The following DAB1 variants were observed in gnomAD, a reference collection of about 807,000 sequenced individuals.
DAB1 encodes DAB adaptor protein 1.
DAB1 carries 15 observed loss-of-function variants against 64.6 expected under a neutral mutation model. The ratio of observed to expected loss-of-function variants is 0.23; its 90% CI spans 0.16 to 0.36. The LOEUF is 0.36. Among genes scored for constraint, DAB1 ranks in the 10% least tolerant of loss-of-function variants. DAB1 has a pLI of 1.00. For missense variants in DAB1, 596 were observed against 706.7 expected (o/e 0.84, Z 1.78); for synonymous variants, 235 against 251.9 (o/e 0.93, Z 0.64).
chr1:58,305,681 T>C (rs548583215), intron 4 of DAB1, among the ~76,000 whole-genome samples: 2 of 152,276 alleles, frequency 1.3e-5, no homozygotes, highest in African/African-American at 4.8e-5. Flanking sequence ...GATCAAGTCA[T>C]CATAATTACC....
intron 4 of DAB1, among the ~76,000 whole-genome samples, chr1:58,313,710 T>A (rs1439928604): frequency 1.3e-5 from 2 of 152,116 alleles, no homozygotes; most frequent in Admixed American, 1.3e-4. Context: ...GACATTTATT[T>A]CTTACAATTC....
intron 4 of DAB1, among the ~76,000 whole-genome samples, chr1:58,323,235 A>AT (rs1437827735): frequency 6.2e-5 from 1 of 16,226 alleles, no homozygotes; most frequent in Non-Finnish European, 1.2e-4. Flanking sequence ...AACTTAAAGT[A>AT]TAATAATAAT....
At chr1:57,886,778 C>A (rs1203175496), upstream of DAB1, among the ~76,000 whole-genome samples, 1 of 152,148 alleles carries the variant, frequency 6.6e-6, no homozygotes, top group Non-Finnish European at 1.5e-5. Flanking sequence ...TAGTCTTGGT[C>A]CTGATCCTAC....
chr1:57,838,978 A>G (rs1020171950), intron 1 of DAB1, among the ~76,000 whole-genome samples: 6 of 151,820 alleles, frequency 4.0e-5, no homozygotes, highest in Non-Finnish European at 8.8e-5. Flanking sequence ...ATGGGGTCTC[A>G]CTATGTTGTT....
rs529857556 is a variant in DAB1 at position 57,957,185 on chromosome 1, TAAG to T, written n.388-73026_388-73024del. Among the ~76,000 whole-genome samples, 70 of 152,252 alleles carry T rather than the reference TAAG, an allele frequency of 4.6e-4. 1 individual carries two copies. The highest frequency in any genetic ancestry group is 3.7e-3 in the South Asian group (18 of 4,828). ...ACATGACTGGATGTCGAGGACCAGG[TAAG>T]AAGCTAATGCAATAATTTAGGCAAA... On this transcript the variant is annotated intron_variant and non_coding_transcript_variant, in intron 5 of 20. Coordinates refer to the DAB1 transcript ENST00000485760.
chr1:57,447,092 T>C (rs1359776892), intron 7 of DAB1, among the ~76,000 whole-genome samples: 1 of 152,218 alleles, frequency 6.6e-6, no homozygotes, highest in Non-Finnish European at 1.5e-5. Context: ...ACTAGTTCTC[T>C]TCCAAAGTAA....
chr1:58,353,655 T>C (rs1484534369), intron 3 of DAB1, among the ~76,000 whole-genome samples: 4 of 152,218 alleles, frequency 2.6e-5, no homozygotes, highest in African/African-American at 7.2e-5. Context: ...ATTTGTTTAC[T>C]TGAGCAGAAT....
At chr1:57,687,599 C>CAAAAAAAAAAAAAAAAAAAAAAAAAA (rs57316234) in intron 6 of DAB1, among the ~76,000 whole-genome samples, 24 of 82,450 alleles carry the variant, frequency 2.9e-4, no homozygotes, top group African/African-American at 6.5e-4. Flanking sequence ...TCTTAAGAAA[C>CAAAAAAAAAAAAAAAAAAAAAAAAAA]AAAAAAAAAA....
At chr1:57,964,636 C>G (rs1379926554) in intron 5 of DAB1, among the ~76,000 whole-genome samples, 1 of 152,174 alleles carries the variant, frequency 6.6e-6, no homozygotes, top group Non-Finnish European at 1.5e-5. Flanking sequence ...CTGCCTTCCC[C>G]ACTAGACTGC....
chr1:57,721,289 T>C (rs1251816101), intron 6 of DAB1, among the ~76,000 whole-genome samples: 1 of 152,100 alleles, frequency 6.6e-6, no homozygotes, highest in African/African-American at 2.4e-5. Flanking sequence ...AGTTGAAAAA[T>C]GCAGCATCTT....
intron 7 of DAB1, chr1:57,070,618 G>T (rs1651360639): frequency 5.1e-6 from 1 of 197,702 alleles, no homozygotes; most frequent in Admixed American, 5.4e-5. Context: ...CCATCCTTTG[G>T]GTCTGTGCTA....
intron 5 of DAB1, among the ~76,000 whole-genome samples, chr1:57,951,332 AC>A (rs869267386): frequency 0.092 from 11,230 of 122,670 alleles, 2,368 homozygotes; most frequent in Non-Finnish European, 0.13. Context: ...ATATATATAT[AC>A]TTCCCTGGAA....
intron 1 of DAB1, among the ~76,000 whole-genome samples, chr1:57,371,772 C>T (rs1029893891): frequency 2.0e-5 from 3 of 152,204 alleles, no homozygotes; most frequent in African/African-American, 7.2e-5. Flanking sequence ...TGTTTGGCCA[C>T]CACTTTAAGG....
intron 5 of DAB1, among the ~76,000 whole-genome samples, chr1:58,140,500 G>A (rs903602174): frequency 7.9e-5 from 12 of 152,118 alleles, no homozygotes; most frequent in African/African-American, 2.6e-4. Context: ...GCTTCCCTTT[G>A]CTCATAATCT....
chr1:57,540,463 G>A lies in DAB1; in HGVS notation n.625+109129C>T, dbSNP rs575509312. Among the ~76,000 whole-genome samples the A allele has an allele frequency of 3.9e-5, 6 of 152,260 alleles. No homozygotes were observed. The South Asian group carries it at 8.3e-4, about 21-fold the overall frequency. ...ATGACTCGTATTTATCCAAAGGAAA[G>A]CAAATAGGTATATCAAAGGGATACC... On this transcript the variant is annotated intron_variant and non_coding_transcript_variant, in intron 7 of 20. Coordinates refer to the DAB1 transcript ENST00000485760.
intron 7 of DAB1, among the ~76,000 whole-genome samples, chr1:57,525,293 G>A (rs900463757): frequency 1.6e-4 from 24 of 152,104 alleles, no homozygotes; most frequent in African/African-American, 5.3e-4. Flanking sequence ...GCAGAATATG[G>A]GACTGCAGGA....
intron 7 of DAB1, among the ~76,000 whole-genome samples, chr1:57,447,716 T>G (rs912349180): frequency 3.3e-5 from 5 of 152,182 alleles, no homozygotes; most frequent in Admixed American, 1.3e-4. Flanking sequence ...TTGACCTGCG[T>G]AGAGGCCCTC....
chr1:57,694,922 G>A (rs991947683), intron 6 of DAB1, among the ~76,000 whole-genome samples: 1 of 151,456 alleles, frequency 6.6e-6, no homozygotes, highest in African/African-American at 2.4e-5. Context: ...TTTTAAACTT[G>A]GGCATAAACT....
At chr1:57,910,516 C>T (rs1474099902) in intron 5 of DAB1, among the ~76,000 whole-genome samples, 1 of 152,080 alleles carries the variant, frequency 6.6e-6, no homozygotes, top group African/African-American at 2.4e-5. Flanking sequence ...AAACAGTCAA[C>T]TGTGTGCTGC....
Sources: gnomAD v4.1 joint callset for allele counts (sites outside exome capture counted in the v4.1 genomes callset) on GRCh38, gnomAD v4.1.1 for gene constraint, MANE v1.5 for transcripts, NCBI Gene and HGNC (gene_info 2026-07-23, HGNC 2026-07-21) for gene names.